RNF114: variants seen among roughly 807,000 people sequenced by gnomAD.
RNF114 encodes the protein E3 ubiquitin-protein ligase RNF114.
A neutral mutation model predicts 28.4 loss-of-function variants in RNF114; 6 were observed. The observed-to-expected ratio is 0.21, with a 90% CI of 0.12 to 0.42. RNF114 has a LOEUF of 0.42. Ranked by LOEUF, RNF114 falls within the 10% of genes least tolerant of loss-of-function variation. The probability of loss-of-function intolerance (pLI) is 1.00; values close to 1 mark genes in which losing one functional copy is unlikely to be tolerated. For synonymous variants in RNF114, 115 were observed against 116.7 expected (o/e 0.99, Z 0.09); for missense variants, 249 against 311.7 (o/e 0.80, Z 1.51).
rs2090331014 is a variant in RNF114 at position 49,946,270 on chromosome 20, T to G, written c.513+20T>G. ...TCTGTGGTGAGTAACCTTTTTTTTT[T>G]TTTTTAAACTTCATTAAGGGAAAGG... On this transcript the variant is annotated intron_variant, in intron 4 of 5. Transcript: ENST00000244061. 2 of 1,351,188 alleles carry G rather than the reference T, an allele frequency of 1.5e-6. No homozygotes were observed. Among genetic ancestry groups the G allele is most frequent in the East Asian group, 4.6e-5 (2 of 43,472 alleles). 83.7% of individuals were successfully genotyped at this position (1,351,188 alleles called of 1,614,324 possible).
At chr20:49,937,152 T>G (rs1257822120) in intron 1 of RNF114, among the ~76,000 whole-genome samples, 2 of 152,198 alleles carry the variant, frequency 1.3e-5, no homozygotes, top group Non-Finnish European at 2.9e-5. Flanking sequence ...AATTAAGCCT[T>G]CATGACCTGA....
chr20:49,942,952 T>G (rs1568919277), intron 2 of RNF114, among the ~76,000 whole-genome samples: 1 of 152,164 alleles, frequency 6.6e-6, no homozygotes, highest in Non-Finnish European at 1.5e-5. Context: ...AATATATATA[T>G]TTCTTCAACT....
At chr20:49,951,971 G>T in intron 5 of RNF114, 105 bp from the exon 6 acceptor site, 4 of 896,726 alleles carry the variant, frequency 4.5e-6, no homozygotes, top group Non-Finnish European at 7.3e-6. Context: ...CCGGTCCCTG[G>T]CAACCTGCTC....
intron 1 of RNF114, among the ~76,000 whole-genome samples, chr20:49,938,021 C>G (rs923173973): frequency 5.3e-5 from 8 of 152,180 alleles, no homozygotes; most frequent in African/African-American, 1.7e-4. Context: ...TCAGGGATCA[C>G]ACCTCTGTGC....
In RNF114 at chr20:49,941,660, C is replaced by A. The variant is rs141103111; in HGVS notation, c.240C>A (p.Leu80=). The change falls in exon 2 of 6, where the codon CTC becomes CTA. Residue 80 remains leucine, a synonymous_variant. Coordinates refer to ENST00000244061, the MANE Select transcript of RNF114 (RefSeq NM_018683.4). Reference sequence around the variant, plus strand: ...CACCTGGCGTCCGAGCCGTGGAGCTCGAGCGGCAGATCGAGAGCACAGAGA... The same window carrying A: ...CACCTGGCGTCCGAGCCGTGGAGCTAGAGCGGCAGATCGAGAGCACAGAGA... ...ALAPGVRAVE[L]ERQIESTETS... The A allele has an allele frequency of 2.3e-5, 37 of 1,612,704 alleles. No homozygotes were observed. The highest frequency in any genetic ancestry group is 3.1e-5 in the Non-Finnish European group (36 of 1,179,608).
At chr20:49,940,793 C>T (rs2090304791) in intron 1 of RNF114, among the ~76,000 whole-genome samples, 1 of 151,488 alleles carries the variant, frequency 6.6e-6, no homozygotes, top group Non-Finnish European at 1.5e-5. Flanking sequence ...CAGAGTCGCA[C>T]TCTGTTGCCC....
intron 4 of RNF114, among the ~76,000 whole-genome samples, chr20:49,947,717 G>A (rs1360139540): frequency 6.9e-6 from 1 of 145,424 alleles, no homozygotes; most frequent in Non-Finnish European, 1.5e-5. Flanking sequence ...TCTATGTTGA[G>A]GCCTTCTCTT....
Position 49,953,681 on chromosome 20 carries a change from A to G in RNF114, c.*1540A>G, listed in dbSNP as rs1348480322. ...CCTTCCTGAATTCAGATCATCTCAG[A>G]AGTCTGGAGGGAAATCTGGCGAAAC... On this transcript the variant is annotated 3_prime_UTR_variant, in exon 6 of 6. Transcript: ENST00000244061. 6.6e-6 allele frequency: 1 copy of G among 152,068 alleles called. No individual in the cohort carries two copies. The highest frequency in any genetic ancestry group is 1.5e-5 in the Non-Finnish European group (1 of 68,018). 9.4% of individuals were successfully genotyped at this position (152,068 alleles called of 1,614,324 possible).
chr20:49,941,503 T>C (rs985293404), intron 1 of RNF114, 58 bp from the exon 2 acceptor site: 5 of 1,507,652 alleles, frequency 3.3e-6, no homozygotes, highest in Admixed American at 2.3e-5. Context: ...AGTTGATCCA[T>C]ATTTGTCGTC....
At chr20:49,942,327 C>T (rs898130100) in intron 2 of RNF114, among the ~76,000 whole-genome samples, 1 of 152,038 alleles carries the variant, frequency 6.6e-6, no homozygotes, top group African/African-American at 2.4e-5. Flanking sequence ...CATCCATGCT[C>T]TTGTATAATC....
chr20:49,951,558 A>G (rs1448666181), intron 5 of RNF114, among the ~76,000 whole-genome samples: 1 of 152,116 alleles, frequency 6.6e-6, no homozygotes, highest in African/African-American at 2.4e-5. Context: ...ATCTCCATTT[A>G]AGGGAGGCAT....
At chr20:49,940,361 A>G (rs1026705804) in intron 1 of RNF114, among the ~76,000 whole-genome samples, 2 of 151,484 alleles carry the variant, frequency 1.3e-5, no homozygotes, top group Non-Finnish European at 2.9e-5. Flanking sequence ...ACACATGCAC[A>G]TGAACACCCA....
chr20:49,940,214 C>T (rs1474714240), intron 1 of RNF114, among the ~76,000 whole-genome samples: 2 of 151,900 alleles, frequency 1.3e-5, no homozygotes, highest in African/African-American at 4.8e-5. Flanking sequence ...TTTTTATTTC[C>T]TCAGATACAT....
At chr20:49,949,154 G>C (rs1409222684) in intron 4 of RNF114, 94 bp from the exon 5 acceptor site, 4 of 965,042 alleles carry the variant, frequency 4.1e-6, no homozygotes, top group Non-Finnish European at 6.7e-6. Context: ...TGTCAGGAAA[G>C]CTGTCCTGGA....
rs1429650428 is a variant in RNF114, at chr20:49,953,356, T to C, written c.*1215T>C. 1.3e-5 allele frequency: 2 copies of C among 152,134 alleles called. No homozygotes were observed. The highest frequency in any genetic ancestry group is 2.9e-5 in the Non-Finnish European group (2 of 68,012). The allele number at this position is 152,134 out of a possible 1,614,324, so 9.4% of individuals were successfully genotyped here. A position where few individuals can be genotyped will look rare whatever the true frequency, so the allele number is the denominator to read the frequency against. On this transcript the variant is annotated 3_prime_UTR_variant, in exon 6 of 6. Transcript: ENST00000244061. ...CATATTTCACAAATATTAATAAATA[T>C]AAGTCCAAGAGCTGTCAGCCTAATC... is the stretch of plus-strand genomic sequence containing the variant.
chr20:49,945,999 A>T (rs1568920361), intron 3 of RNF114, 137 bp from the exon 4 acceptor site: 1 of 555,686 alleles, frequency 1.8e-6, no homozygotes, highest in East Asian at 3.1e-5. Flanking sequence ...ACTTGACCTG[A>T]GTCTGAAGTG....
At chr20:49,937,452 G>A (rs1369420012) in intron 1 of RNF114, among the ~76,000 whole-genome samples, 1 of 152,116 alleles carries the variant, frequency 6.6e-6, no homozygotes, top group Non-Finnish European at 1.5e-5. Context: ...GCACTCCATG[G>A]GCATTATTCT....
intron 5 of RNF114, 118 bp downstream of exon 5, chr20:49,949,473 C>T (rs1213256383): frequency 2.5e-6 from 2 of 816,108 alleles, no homozygotes; most frequent in Admixed American, 4.0e-5. Flanking sequence ...TTGTGATGGG[C>T]TTCCAGTCTG....
At chr20:49,951,886 AAAGAG>A (rs1400584042) in intron 5 of RNF114, among the ~76,000 whole-genome samples, 185 bp from the exon 6 acceptor site, 1 of 151,744 alleles carries the variant, frequency 6.6e-6, no homozygotes, top group Non-Finnish European at 1.5e-5. Flanking sequence ...AAATAAAAAA[AAAGAG>A]AAGGCAGCAG....
Sources: allele counts gnomAD v4.1 joint callset (sites outside exome capture counted in the v4.1 genomes callset), GRCh38; gene constraint gnomAD v4.1.1; transcripts MANE v1.5; gene names NCBI Gene and HGNC (gene_info 2026-07-23, HGNC 2026-07-21).